The following KSR2 variants were observed in gnomAD, a reference collection of about 807,000 sequenced individuals.
KSR2 encodes kinase suppressor of ras 2.
Under a neutral mutation model 107.8 loss-of-function variants are expected in KSR2, and 25 were observed. The ratio of observed to expected loss-of-function variants is 0.23; its 90% CI spans 0.17 to 0.32. The LOEUF (loss-of-function observed/expected upper bound fraction) is 0.32, where lower values mean the gene tolerates loss of function less well. Among genes scored for constraint, KSR2 ranks in the 10% least tolerant of loss-of-function variants. The pLI is 1.00. For missense variants in KSR2, 887 were observed against 1,268.9 expected (o/e 0.70, Z 4.57); for synonymous variants, 480 against 507.0 (o/e 0.95, Z 0.71).
chr12:117,861,214 G>A (rs888513007), intron 1 of KSR2, among the ~76,000 whole-genome samples: 9 of 152,152 alleles, frequency 5.9e-5, no homozygotes, highest in Admixed American at 5.2e-4. Context: ...AGAAACTTAT[G>A]CAGCTCTAAA....
chr12:117,582,355 T>C lies in KSR2; in HGVS notation c.1176A>G (p.Thr392=). 1 of 1,613,296 alleles carries C rather than the reference T, an allele frequency of 6.2e-7. No homozygotes were observed. The change falls in exon 6 of 20, where the codon ACA becomes ACG. Residue 392 remains threonine (T), a synonymous_variant. Transcript: ENST00000339824. ...GCGGGGACCAGCGTGGCACTGACAG[T>C]GTGTCTACAGAGAGAAGAGAACAGC... ...VHTEANFSAN[T]LSVPRWSPQI...
At position 117,557,090 on chromosome 12, in the gene KSR2, G is replaced by C. The variant is rs141229120; in HGVS notation, c.1393+1416C>G. Among the ~76,000 whole-genome samples, 34 of 152,184 alleles carry C rather than the reference G, an allele frequency of 2.2e-4. No homozygotes were observed. In the East Asian group the frequency reaches 6.4e-3, roughly 29 times the overall value. ...TGAGGCAGGAGAATCGCTTGAACCCGGGAGGCAGAGGTTGCAGTGAGCTGA... is the reference window on the plus strand; with the variant it reads ...TGAGGCAGGAGAATCGCTTGAACCCCGGAGGCAGAGGTTGCAGTGAGCTGA... On this transcript the variant is annotated intron_variant, in intron 8 of 19. Coordinates refer to ENST00000339824, the MANE Select transcript of KSR2 (RefSeq NM_173598.6).
intron 4 of KSR2, among the ~76,000 whole-genome samples, chr12:117,737,039 A>G (rs962245845): frequency 4.6e-5 from 7 of 152,218 alleles, no homozygotes; most frequent in African/African-American, 1.2e-4. Context: ...TAAATCTTCT[A>G]TAATATATAC....
In KSR2 at chr12:117,736,033, G is replaced by A. The variant is rs550253230; in HGVS notation, c.986+24978C>T. 6.6e-5 allele frequency among the ~76,000 whole-genome samples: 10 copies of A among 152,108 alleles called. 1 individual carries two copies. The highest frequency in any genetic ancestry group is 1.3e-4 in the Non-Finnish European group (9 of 68,022). Reference sequence around the variant, plus strand: ...ATGAAGAATGTCTGCCTCCAGAAACGGTAGGGAAATGGTCAGCCTTACACA... The same window carrying A: ...ATGAAGAATGTCTGCCTCCAGAAACAGTAGGGAAATGGTCAGCCTTACACA... On this transcript the variant is annotated intron_variant, in intron 4 of 19. Transcript: ENST00000339824.
At chr12:117,758,724 G>A (rs796276450) in intron 4 of KSR2, among the ~76,000 whole-genome samples, 5 of 152,298 alleles carry the variant, frequency 3.3e-5, no homozygotes, top group African/African-American at 1.2e-4. Context: ...GGAAAGGACA[G>A]CATTTAAAAA....
At chr12:117,766,456 T>G (rs566388918) in intron 3 of KSR2, among the ~76,000 whole-genome samples, 1 of 152,294 alleles carries the variant, frequency 6.6e-6, no homozygotes, top group East Asian at 1.9e-4. Flanking sequence ...GAAATAGGTT[T>G]GGAACTAAAT....
At chr12:117,855,746 A>T (rs1405477392) in intron 2 of KSR2, among the ~76,000 whole-genome samples, 168 bp from the exon 3 acceptor site, 1 of 152,142 alleles carries the variant, frequency 6.6e-6, no homozygotes, top group Non-Finnish European at 1.5e-5. Flanking sequence ...ATAACCTCTG[A>T]CCAGTCGCTC....
At chr12:117,731,799 T>A (rs575987264) in intron 4 of KSR2, among the ~76,000 whole-genome samples, 62 of 151,154 alleles carry the variant, frequency 4.1e-4, no homozygotes, top group African/African-American at 1.2e-3. Context: ...TTAAGGGCGG[T>A]GCAAGATGTG....
At chr12:117,659,503 G>A (rs1037092165) in intron 5 of KSR2, among the ~76,000 whole-genome samples, 1 of 152,108 alleles carries the variant, frequency 6.6e-6, no homozygotes, top group Non-Finnish European at 1.5e-5. Context: ...ACAAAGACAC[G>A]CTAACTTCCT....
intron 1 of KSR2, among the ~76,000 whole-genome samples, chr12:117,867,504 G>C (rs1401426803): frequency 6.6e-6 from 1 of 152,118 alleles, no homozygotes; most frequent in East Asian, 1.9e-4. Flanking sequence ...CCAAAGAGGT[G>C]CAGTCTGTGT....
rs1884697676 is a variant in KSR2 at position 117,667,338 on chromosome 12, A to G, written c.1171+136T>C. The G allele has an allele frequency of 4.4e-5, 36 of 819,562 alleles. 1 individual carries two copies. The South Asian group carries it at 5.6e-4, about 13-fold the overall frequency. The allele number at this position is 819,562 out of a possible 1,614,324, so 50.8% of individuals were successfully genotyped here. ...GGGGCTGTGGGCAGATGATGGGTGA[A>G]GCTCTACAGTGAGCATTTCACAAGC... On this transcript the variant is annotated intron_variant, in intron 5 of 19. Coordinates refer to ENST00000339824, the MANE Select transcript of KSR2 (RefSeq NM_173598.6).
intron 1 of KSR2, among the ~76,000 whole-genome samples, chr12:117,900,666 A>G (rs757071019): frequency 2.0e-5 from 3 of 152,140 alleles, no homozygotes; most frequent in South Asian, 2.1e-4. Context: ...CTTGTAACCC[A>G]CTGCTTTTTA....
intron 1 of KSR2, among the ~76,000 whole-genome samples, chr12:117,908,861 A>C (rs1351051392): frequency 6.6e-6 from 1 of 152,240 alleles, no homozygotes; most frequent in African/African-American, 2.4e-5. Flanking sequence ...GTAGTTGGGC[A>C]GTGAAATGTC....
At chr12:117,509,769 C>T (rs896323678) in intron 14 of KSR2, among the ~76,000 whole-genome samples, 7 of 152,214 alleles carry the variant, frequency 4.6e-5, no homozygotes, top group African/African-American at 1.7e-4. Context: ...TTGTGACCCC[C>T]TTCTTTGCCT....
intron 7 of KSR2, among the ~76,000 whole-genome samples, chr12:117,566,637 A>G (rs796070167): frequency 3.9e-5 from 6 of 152,314 alleles, no homozygotes; most frequent in African/African-American, 1.4e-4. Context: ...GGGTCCAGTA[A>G]CAAGCTCAGT....
chr12:117,641,826 G>A lies in KSR2; in HGVS notation c.1171+25648C>T, dbSNP rs75683423. On this transcript the variant is annotated intron_variant, in intron 5 of 19. Coordinates refer to ENST00000339824, the MANE Select transcript of KSR2 (RefSeq NM_173598.6). ...AGTAGCACCTGAGGCGAAGGCTTGT[G>A]AGCTTCCCTCAGGTCCGAGATGAAA... is the stretch of plus-strand genomic sequence containing the variant. Among the ~76,000 whole-genome samples the A allele has an allele frequency of 3.1e-3, 477 of 152,186 alleles. 1 individual carries two copies. Among genetic ancestry groups the A allele is most frequent in the African/African-American group, 0.011 (447 of 41,508 alleles).
At chr12:117,725,286 G>C (rs887227577) in intron 4 of KSR2, among the ~76,000 whole-genome samples, 1 of 152,206 alleles carries the variant, frequency 6.6e-6, no homozygotes, top group Admixed American at 6.5e-5. Flanking sequence ...CAAGAGGCCA[G>C]AGAGGTAAGA....
intron 4 of KSR2, among the ~76,000 whole-genome samples, chr12:117,692,156 G>A (rs762653274): frequency 6.6e-6 from 1 of 151,984 alleles, no homozygotes; most frequent in Non-Finnish European, 1.5e-5. Context: ...ACGAAGAGAC[G>A]GTTCTCCGAA....
At position 117,676,120 on chromosome 12, in the gene KSR2, C is replaced by T. The variant is rs543049981; in HGVS notation, c.987-8462G>A. On this transcript the variant is annotated intron_variant, in intron 4 of 19. Transcript: ENST00000339824. Reference sequence around the variant, plus strand: ...GAGCTCTCGGCTCAGCTGCTCAGAGCCCAGGAAAGGGAGCAGTTTGGAAAA... The same window carrying T: ...GAGCTCTCGGCTCAGCTGCTCAGAGTCCAGGAAAGGGAGCAGTTTGGAAAA... Among the ~76,000 whole-genome samples the T allele has an allele frequency of 3.9e-5, 6 of 152,294 alleles. No individual in the cohort carries two copies. The South Asian group carries it at 1.2e-3, about 32-fold the overall frequency.
Sources: allele counts gnomAD v4.1 joint callset (sites outside exome capture counted in the v4.1 genomes callset), GRCh38; gene constraint gnomAD v4.1.1; transcripts MANE v1.5; gene names NCBI Gene and HGNC (gene_info 2026-07-23, HGNC 2026-07-21).